The following NAALADL2 variants were observed in gnomAD, a reference collection of about 807,000 sequenced individuals.
NAALADL2 encodes the protein N-acetylated alpha-linked acidic dipeptidase like 2, also known as inactive N-acetylated-alpha-linked acidic dipeptidase-like protein 2.
Under a neutral mutation model 87.2 loss-of-function variants are expected in NAALADL2, and 76 were observed. The ratio of observed to expected loss-of-function variants is 0.87; its 90% CI spans 0.72 to 1.05. The LOEUF is 1.05. Among genes scored for constraint, NAALADL2 ranks in the 50% least tolerant of loss-of-function variants. The pLI is 0.00. For synonymous variants in NAALADL2, 354 were observed against 331.0 expected (o/e 1.07, Z -0.75); for missense variants, 1,089 against 945.8 (o/e 1.15, Z -1.99).
intron 4 of NAALADL2, among the ~76,000 whole-genome samples, chr3:175,308,454 G>A (rs541903446): frequency 2.0e-4 from 30 of 152,108 alleles, no homozygotes; most frequent in Non-Finnish European, 3.8e-4. Context: ...GGGGACTGGC[G>A]GTAGATGCCT....
intron 1 of NAALADL2, among the ~76,000 whole-genome samples, chr3:175,050,568 T>C (rs911884065): frequency 2.0e-5 from 3 of 152,176 alleles, no homozygotes; most frequent in African/African-American, 7.2e-5. Flanking sequence ...AAATATACTG[T>C]GGGGCTATTG....
intron 1 of NAALADL2, among the ~76,000 whole-genome samples, chr3:174,954,507 A>G (rs1322643680): frequency 6.6e-6 from 1 of 152,074 alleles, no homozygotes; most frequent in Admixed American, 6.6e-5. Context: ...AAAATAGTTG[A>G]GGAGGTAGAG....
chr3:174,901,321 T>C (rs529062383), intron 1 of NAALADL2, among the ~76,000 whole-genome samples: 2 of 152,268 alleles, frequency 1.3e-5, no homozygotes, highest in South Asian at 2.1e-4. Context: ...ATCTGAGATA[T>C]AGATGGAGCT....
At chr3:175,433,460 C>T (rs1016478657) in intron 5 of NAALADL2, among the ~76,000 whole-genome samples, 7 of 151,956 alleles carry the variant, frequency 4.6e-5, no homozygotes, top group Admixed American at 2.6e-4. Flanking sequence ...TATTTGAAGT[C>T]CTGCACACGG....
chr3:175,052,511 C>A (rs1368895720), intron 1 of NAALADL2, among the ~76,000 whole-genome samples: 1 of 152,162 alleles, frequency 6.6e-6, no homozygotes, highest in Non-Finnish European at 1.5e-5. Flanking sequence ...CAAAGACAAA[C>A]AACACAGATT....
chr3:174,471,010 TC>T (rs1716862017), intron 1 of NAALADL2, among the ~76,000 whole-genome samples: 1 of 152,062 alleles, frequency 6.6e-6, no homozygotes, highest in African/African-American at 2.4e-5. Context: ...TATGAAGAAT[TC>T]CTAGAAGTAG....
chr3:175,637,490 G>A (rs1728710686), intron 11 of NAALADL2, among the ~76,000 whole-genome samples: 1 of 152,170 alleles, frequency 6.6e-6, no homozygotes, highest in Admixed American at 6.5e-5. Flanking sequence ...GATCATGGAG[G>A]CGGATCCCTC....
At chr3:174,870,007 CAAAAA>C (rs71624295) in intron 1 of NAALADL2, among the ~76,000 whole-genome samples, 4 of 62,852 alleles carry the variant, frequency 6.4e-5, no homozygotes, top group South Asian at 6.5e-4. Flanking sequence ...CCCCACCCGC[CAAAAA>C]AAAAAAAAAA....
At chr3:175,239,513 T>G (rs1227476415) in intron 3 of NAALADL2, among the ~76,000 whole-genome samples, 1 of 152,254 alleles carries the variant, frequency 6.6e-6, no homozygotes, top group Non-Finnish European at 1.5e-5. Flanking sequence ...TTGGTCAGAT[T>G]GGTTCTGCCA....
intron 2 of NAALADL2, among the ~76,000 whole-genome samples, chr3:175,144,889 A>C (rs1730533801): frequency 6.6e-6 from 1 of 152,020 alleles, no homozygotes; most frequent in African/African-American, 2.4e-5. Context: ...ACGGCATTTC[A>C]AAGAGACTTT....
intron 3 of NAALADL2, among the ~76,000 whole-genome samples, chr3:174,828,957 A>G (rs1235771555): frequency 6.6e-6 from 1 of 152,208 alleles, no homozygotes; most frequent in Non-Finnish European, 1.5e-5. Context: ...TATTTTGTGA[A>G]GCTTGTAACA....
At chr3:174,845,877 A>G (rs1232929857) in intron 3 of NAALADL2, among the ~76,000 whole-genome samples, 1 of 152,188 alleles carries the variant, frequency 6.6e-6, no homozygotes, top group Admixed American at 6.5e-5. Context: ...GTAGCGTCTT[A>G]GGAATGGACG....
At chr3:174,977,639 G>T (rs1290772537) in intron 1 of NAALADL2, among the ~76,000 whole-genome samples, 1 of 152,108 alleles carries the variant, frequency 6.6e-6, no homozygotes, top group Non-Finnish European at 1.5e-5. Context: ...TAAAAGGCCT[G>T]TTACCTGCCC....
At chr3:174,692,032 T>G (rs1431092725) in intron 2 of NAALADL2, 1 of 152,222 alleles carries the variant, frequency 6.6e-6, no homozygotes, top group African/African-American at 2.4e-5. Context: ...TGAAATCCAC[T>G]TCTTCAAAAC....
chr3:175,149,969 T>G (rs890575646), intron 2 of NAALADL2, among the ~76,000 whole-genome samples: 1 of 152,166 alleles, frequency 6.6e-6, no homozygotes, highest in Admixed American at 6.6e-5. Context: ...AGGTGCTGAA[T>G]TCTAGAGAGC....
intron 10 of NAALADL2, among the ~76,000 whole-genome samples, chr3:175,612,467 C>A (rs1354991086): frequency 1.3e-5 from 2 of 152,150 alleles, no homozygotes; most frequent in Admixed American, 1.3e-4. Flanking sequence ...TCTTCCTATT[C>A]TTGGCCAAAG....
intron 5 of NAALADL2, among the ~76,000 whole-genome samples, chr3:175,333,794 TGTATTTCATATTTCA>T (rs1761680861): frequency 6.6e-6 from 1 of 152,118 alleles, no homozygotes; most frequent in South Asian, 2.1e-4. Flanking sequence ...TTAACAACAA[TGTATTTCATATTTCA>T]AAATAGCTGG....
At chr3:175,238,056 G>A (rs1287840842) in intron 3 of NAALADL2, among the ~76,000 whole-genome samples, 1 of 151,966 alleles carries the variant, frequency 6.6e-6, no homozygotes. Flanking sequence ...GAAACTGGGT[G>A]GGGTGTTTTT....
rs142140031 is a variant in NAALADL2, at chr3:175,493,104, C to G, written c.1653+21346C>G. ...ATGTATGTATTTATACATACGTATA[C>G]ACACATATAAATGTTGATAACTAAA... On this transcript the variant is annotated intron_variant, in intron 9 of 13. Coordinates refer to ENST00000454872, the MANE Select transcript of NAALADL2 (RefSeq NM_207015.3). Among the ~76,000 whole-genome samples, 378 of 152,000 alleles carry G rather than the reference C, an allele frequency of 2.5e-3. 1 individual carries two copies. The highest frequency in any genetic ancestry group is 8.7e-3 in the African/African-American group (363 of 41,488).
Sources: gnomAD v4.1 joint callset for allele counts (sites outside exome capture counted in the v4.1 genomes callset) on GRCh38, gnomAD v4.1.1 for gene constraint, MANE v1.5 for transcripts, NCBI Gene and HGNC (gene_info 2026-07-23, HGNC 2026-07-21) for gene names.